Variants in MSH3 observed in about 807,000 individuals in gnomAD.
The protein encoded by MSH3 is mutS homolog 3, also known as DNA mismatch repair protein Msh3.
In MSH3, 106 loss-of-function variants were observed where a neutral mutation model predicts 123.3. The ratio of observed to expected loss-of-function variants is 0.86; its 90% confidence interval spans 0.73 to 1.01. The LOEUF is 1.01. Ranked by LOEUF, MSH3 falls within the 50% of genes least tolerant of loss-of-function variation. MSH3 has a pLI of 0.00. For synonymous variants in MSH3, 515 were observed against 481.4 expected (o/e 1.07, Z -0.91); for missense variants, 1,459 against 1,347.6 (o/e 1.08, Z -1.29).
intron 8 of MSH3, among the ~76,000 whole-genome samples, chr5:80,722,261 C>G: frequency 6.6e-6 from 1 of 152,024 alleles, no homozygotes; most frequent in East Asian, 1.9e-4. Context: ...GGTTTCAAGT[C>G]TTTTTTCAGT....
intron 9 of MSH3, among the ~76,000 whole-genome samples, chr5:80,726,447 A>C (rs1187040016): frequency 6.6e-6 from 1 of 152,082 alleles, no homozygotes; most frequent in African/African-American, 2.4e-5. Context: ...TGGTCAAATA[A>C]AGTGTCTGAG....
intron 20 of MSH3, among the ~76,000 whole-genome samples, chr5:80,835,933 T>A (rs1359227126): frequency 1.3e-5 from 2 of 151,924 alleles, no homozygotes; most frequent in African/African-American, 4.8e-5. Flanking sequence ...AAGAAAATAT[T>A]AATACTGTGG....
intron 8 of MSH3, among the ~76,000 whole-genome samples, chr5:80,696,503 G>A (rs954117840): frequency 3.3e-5 from 5 of 152,064 alleles, no homozygotes; most frequent in African/African-American, 7.2e-5. Flanking sequence ...TGGTCTTTCC[G>A]GGTTGTCAGC....
At chr5:80,833,472 C>T (rs1210445209) in intron 20 of MSH3, among the ~76,000 whole-genome samples, 1 of 152,042 alleles carries the variant, frequency 6.6e-6, no homozygotes, top group East Asian at 1.9e-4. Context: ...GAGATGGAGT[C>T]TCGCTCTGTC....
At chr5:80,677,939 A>T (rs1286177100) in intron 7 of MSH3, among the ~76,000 whole-genome samples, 1 of 152,190 alleles carries the variant, frequency 6.6e-6, no homozygotes, top group Non-Finnish European at 1.5e-5. Context: ...ATGCTGCTGT[A>T]AATATTTTTG....
At chr5:80,811,677 T>C (rs72765588) in intron 19 of MSH3, among the ~76,000 whole-genome samples, 11,928 of 152,098 alleles carry the variant, frequency 0.078, 876 homozygotes, top group East Asian at 0.33. Flanking sequence ...GCATTTAGAG[T>C]TTTTCTTGTG....
chr5:80,810,799 A>C (rs1025259289), intron 19 of MSH3, among the ~76,000 whole-genome samples: 1 of 152,040 alleles, frequency 6.6e-6, no homozygotes, highest in African/African-American at 2.4e-5. Flanking sequence ...TTCTGTGTAG[A>C]GACTTGCTCA....
intron 20 of MSH3, 72 bp downstream of exon 20, chr5:80,813,813 T>C: frequency 1.3e-6 from 2 of 1,523,104 alleles, no homozygotes; most frequent in Non-Finnish European, 1.8e-6. Flanking sequence ...TGAATTTTCC[T>C]TTTGTGTACA....
intron 12 of MSH3, among the ~76,000 whole-genome samples, chr5:80,748,327 T>C (rs1743758187): frequency 6.6e-6 from 1 of 152,212 alleles, no homozygotes; most frequent in Non-Finnish European, 1.5e-5. Flanking sequence ...TTCTATAAAA[T>C]GGTCTCTTTG....
intron 20 of MSH3, among the ~76,000 whole-genome samples, chr5:80,831,763 G>A (rs1471466075): frequency 1.3e-5 from 2 of 150,634 alleles, no homozygotes; most frequent in African/African-American, 4.9e-5. Context: ...GCAACCTGAA[G>A]TGAATGGGAA....
At chr5:80,729,245 C>G (rs989807469) in intron 10 of MSH3, among the ~76,000 whole-genome samples, 1 of 151,606 alleles carries the variant, frequency 6.6e-6, no homozygotes, top group Non-Finnish European at 1.5e-5. Flanking sequence ...GAAACCCCGT[C>G]TCTACTAAAA....
At chr5:80,689,734 CTTTATTTTAT>C (rs933117600) in intron 8 of MSH3, among the ~76,000 whole-genome samples, 2 of 138,910 alleles carry the variant, frequency 1.4e-5, no homozygotes, top group Non-Finnish European at 3.1e-5. Context: ...TTTTTTTGAT[CTTTATTTTAT>C]TTTATTTTAT....
chr5:80,750,325 A>G (rs1227787758), intron 12 of MSH3, among the ~76,000 whole-genome samples: 1 of 152,272 alleles, frequency 6.6e-6, no homozygotes, highest in African/African-American at 2.4e-5. Flanking sequence ...ACTGTTTTAC[A>G]AAGTGACTGT....
At chr5:80,733,616 C>G (rs1299809268) in intron 10 of MSH3, among the ~76,000 whole-genome samples, 1 of 144,522 alleles carries the variant, frequency 6.9e-6, no homozygotes, top group African/African-American at 2.6e-5. Flanking sequence ...TATATATAAA[C>G]TCTTACAAGT....
At chr5:80,775,408 T>A (rs1255443176) in intron 15 of MSH3, among the ~76,000 whole-genome samples, 1 of 152,020 alleles carries the variant, frequency 6.6e-6, no homozygotes, top group Non-Finnish European at 1.5e-5. Flanking sequence ...ATGAAAGAGG[T>A]GGTTAATGAA....
chr5:80,666,444 TTGATTGA>T (rs1262503679), intron 3 of MSH3, among the ~76,000 whole-genome samples: 1 of 152,214 alleles, frequency 6.6e-6, no homozygotes, highest in Non-Finnish European at 1.5e-5. Context: ...CAGGCTAATA[TTGATTGA>T]CTTATCTTAG....
At chr5:80,818,779 G>T (rs542251862) in intron 20 of MSH3, among the ~76,000 whole-genome samples, 2 of 152,208 alleles carry the variant, frequency 1.3e-5, no homozygotes, top group African/African-American at 4.8e-5. Flanking sequence ...GGATAGAGAT[G>T]AAATGAGATT....
chr5:80,705,829 C>T (rs370033939), intron 8 of MSH3, among the ~76,000 whole-genome samples: 5 of 152,040 alleles, frequency 3.3e-5, no homozygotes, highest in East Asian at 1.9e-4. Flanking sequence ...ACGTGGACAC[C>T]GGTCATATTG....
intron 15 of MSH3, among the ~76,000 whole-genome samples, chr5:80,770,343 A>G (rs1008029340): frequency 1.3e-5 from 2 of 151,596 alleles, no homozygotes; most frequent in Non-Finnish European, 2.9e-5. Flanking sequence ...CTATACGACC[A>G]TGGAAGAGTT....
Sources: allele counts gnomAD v4.1 joint callset (sites outside exome capture counted in the v4.1 genomes callset), GRCh38; gene constraint gnomAD v4.1.1; transcripts MANE v1.5; gene names NCBI Gene and HGNC (gene_info 2026-07-23, HGNC 2026-07-21).